TMCC1: variants seen among roughly 807,000 people sequenced by gnomAD.
The protein encoded by TMCC1 is transmembrane and coiled-coil domains protein 1.
In TMCC1, 15 loss-of-function variants were observed where a neutral mutation model predicts 52.4. The observed-to-expected ratio is 0.29, with a 90% CI of 0.19 to 0.44. The LOEUF is 0.44. Among genes scored for constraint, TMCC1 ranks in the 20% least tolerant of loss-of-function variants. The probability of loss-of-function intolerance (pLI) is 1.00; values close to 1 mark genes in which losing one functional copy is unlikely to be tolerated. For synonymous variants in TMCC1, 279 were observed against 301.9 expected (o/e 0.92, Z 0.79); for missense variants, 503 against 806.0 (o/e 0.62, Z 4.55).
intron 4 of TMCC1, among the ~76,000 whole-genome samples, chr3:129,801,590 T>C (rs1166446802): frequency 6.6e-6 from 1 of 152,144 alleles, no homozygotes; most frequent in East Asian, 1.9e-4. Flanking sequence ...GCCTCCTGAG[T>C]AGCTGGGATT....
chr3:129,846,468 C>T (rs2059669402), intron 2 of TMCC1, among the ~76,000 whole-genome samples: 1 of 152,150 alleles, frequency 6.6e-6, no homozygotes, highest in Non-Finnish European at 1.5e-5. Context: ...TTATGCTTTG[C>T]TACACTGAAA....
At chr3:129,798,248 G>A (rs772485179) in intron 4 of TMCC1, among the ~76,000 whole-genome samples, 4 of 152,068 alleles carry the variant, frequency 2.6e-5, no homozygotes, top group Non-Finnish European at 4.4e-5. Context: ...CGCCCGCTCA[G>A]CCTCCCAAAG....
intron 6 of TMCC1, 108 bp downstream of exon 6, chr3:129,654,855 GGTATA>G: frequency 7.2e-7 from 1 of 1,392,782 alleles, no homozygotes. Flanking sequence ...TTACACAGTT[GGTATA>G]AGCTTTTCTT....
intron 4 of TMCC1, among the ~76,000 whole-genome samples, chr3:129,821,976 T>C (rs552938567): frequency 6.6e-6 from 1 of 152,230 alleles, no homozygotes; most frequent in Admixed American, 6.5e-5. Context: ...AGGTGGGTGG[T>C]CACTTGAGCC....
In TMCC1 at chr3:129,717,775, C is replaced by T. The variant is rs999445273; in HGVS notation, c.577-46511G>A. Among the ~76,000 whole-genome samples, 15 of 152,160 alleles carry T rather than the reference C, an allele frequency of 9.9e-5. 1 individual carries two copies. The highest frequency in any genetic ancestry group is 1.5e-4 in the Non-Finnish European group (10 of 68,034). On this transcript the variant is annotated intron_variant, in intron 4 of 6. Transcript: ENST00000393238. ...TCTTCACTTGTACTTTAGTCTGAAC[C>T]ATGATCATATATTGTCTGAGTTACT...
At chr3:129,808,537 A>G (rs1411935193) in intron 4 of TMCC1, among the ~76,000 whole-genome samples, 1 of 151,654 alleles carries the variant, frequency 6.6e-6, no homozygotes, top group Non-Finnish European at 1.5e-5. Flanking sequence ...TGAAAGATTT[A>G]CAGTTCTTTG....
intron 2 of TMCC1, chr3:129,857,401 A>T (rs2060188836): frequency 6.6e-6 from 1 of 152,318 alleles, no homozygotes; most frequent in Non-Finnish European, 1.5e-5. Flanking sequence ...GTGGCAACGG[A>T]CTGCCTAATT....
In TMCC1 at chr3:129,838,383, T is replaced by C. The variant is rs532248449; in HGVS notation, c.-183-5557A>G. ...GTGAGCGTCCCACTGCATTCCAGCC[T>C]GGATGACAGGGCAAGACCCTGTCTC... On this transcript the variant is annotated intron_variant, in intron 2 of 6. Transcript: ENST00000393238. Among the ~76,000 whole-genome samples, 43 of 151,656 alleles carry C rather than the reference T, an allele frequency of 2.8e-4. No homozygotes were observed. In the South Asian group the frequency reaches 8.6e-3, roughly 30 times the overall value.
chr3:129,869,332 C>A (rs1182091122), intron 2 of TMCC1, among the ~76,000 whole-genome samples: 1 of 152,128 alleles, frequency 6.6e-6, no homozygotes, highest in African/African-American at 2.4e-5. Context: ...GTATTTATTT[C>A]ATTTAGCTGT....
At chr3:129,677,661 A>G (rs918833884) in intron 4 of TMCC1, among the ~76,000 whole-genome samples, 3 of 152,212 alleles carry the variant, frequency 2.0e-5, no homozygotes, top group Admixed American at 6.5e-5. Context: ...AAAATGCTCA[A>G]TAGGGTCTAT....
intron 4 of TMCC1, among the ~76,000 whole-genome samples, chr3:129,803,322 A>C (rs1226269382): frequency 6.6e-6 from 1 of 152,210 alleles, no homozygotes; most frequent in Non-Finnish European, 1.5e-5. Context: ...AACTCCAAGA[A>C]ATGAAAGCAG....
intron 4 of TMCC1, among the ~76,000 whole-genome samples, chr3:129,776,736 T>C (rs1448637370): frequency 1.3e-5 from 2 of 152,224 alleles, no homozygotes; most frequent in African/African-American, 2.4e-5. Flanking sequence ...CAAGGGATGC[T>C]ACTGCCTCAG....
In TMCC1 at chr3:129,684,754, C is replaced by T. The variant is rs182398654; in HGVS notation, c.577-13490G>A. Among the ~76,000 whole-genome samples the T allele has an allele frequency of 1.2e-3, 184 of 152,258 alleles. 1 individual carries two copies. Among genetic ancestry groups the T allele is most frequent in the African/African-American group, 4.4e-3 (181 of 41,550 alleles). On this transcript the variant is annotated intron_variant, in intron 4 of 6. Transcript: ENST00000393238. Reference sequence around the variant, plus strand: ...GGAATTCTGCATATGAAAGGAAAAACATTTTCTGCTTTGTATCTAGGTATC... The same window carrying T: ...GGAATTCTGCATATGAAAGGAAAAATATTTTCTGCTTTGTATCTAGGTATC...
intron 5 of TMCC1, among the ~76,000 whole-genome samples, chr3:129,663,267 G>A (rs1004602292): frequency 3.9e-5 from 6 of 152,130 alleles, no homozygotes; most frequent in African/African-American, 1.2e-4. Flanking sequence ...TCCCTAGTTC[G>A]GCAATAGGTC....
intron 4 of TMCC1, among the ~76,000 whole-genome samples, chr3:129,765,115 C>A (rs2054017779): frequency 7.1e-6 from 1 of 140,994 alleles, no homozygotes; most frequent in African/African-American, 2.5e-5. Context: ...ATTATTGATT[C>A]TATTCCAAAG....
At chr3:129,743,730 G>A (rs538639321) in intron 4 of TMCC1, among the ~76,000 whole-genome samples, 14 of 152,210 alleles carry the variant, frequency 9.2e-5, no homozygotes, top group African/African-American at 3.1e-4. Flanking sequence ...TGGCAAATAA[G>A]CTAACCTATC....
At chr3:129,750,046 GA>G (rs2052352600) in intron 4 of TMCC1, among the ~76,000 whole-genome samples, 1 of 152,102 alleles carries the variant, frequency 6.6e-6, no homozygotes. Context: ...GCATTTTTAA[GA>G]AAATACACTT....
chr3:129,865,392 C>T (rs1029415251), intron 2 of TMCC1, among the ~76,000 whole-genome samples: 5 of 151,862 alleles, frequency 3.3e-5, no homozygotes, highest in Non-Finnish European at 5.9e-5. Flanking sequence ...CTCAAGTGAC[C>T]CACCTGCCTC....
chr3:129,684,191 C>G (rs1223133106), intron 4 of TMCC1, among the ~76,000 whole-genome samples: 1 of 152,118 alleles, frequency 6.6e-6, no homozygotes, highest in Non-Finnish European at 1.5e-5. Context: ...ATCTGTAACT[C>G]CTAAAAGGGC....
Sources: gnomAD v4.1 joint callset for allele counts (sites outside exome capture counted in the v4.1 genomes callset) on GRCh38, gnomAD v4.1.1 for gene constraint, MANE v1.5 for transcripts, NCBI Gene and HGNC (gene_info 2026-07-23, HGNC 2026-07-21) for gene names.